KALRN: variants seen among roughly 807,000 people sequenced by gnomAD.
The protein encoded by KALRN is kalirin.
KALRN carries 70 observed loss-of-function variants against 353.7 expected under a neutral mutation model. The observed-to-expected ratio is 0.20, with a 90% CI of 0.16 to 0.24. The LOEUF is 0.24. Ranked by LOEUF, KALRN falls within the 10% of genes least tolerant of loss-of-function variation. The pLI is 1.00. For synonymous variants in KALRN, 1,391 were observed against 1,434.8 expected, an observed-to-expected ratio of 0.97 and a Z score of 0.69; for missense variants, 2,791 against 3,756.7, an observed-to-expected ratio of 0.74 and a Z score of 6.72.
At chr3:124,152,316 G>T (rs1163575985) in intron 1 of KALRN, 2 of 1,210,378 alleles carry the variant, frequency 1.7e-6, no homozygotes, top group African/African-American at 1.5e-5. Context: ...TTGAAGTCTT[G>T]TTAAGCTTCA....
rs1339113935 is a variant in KALRN at position 124,198,123 on chromosome 3, C to T, written c.74-29867C>T. 2.0e-5 allele frequency among the ~76,000 whole-genome samples: 3 copies of T among 152,178 alleles called. 1 individual carries two copies. The highest frequency in any genetic ancestry group is 4.1e-4 in the South Asian group (2 of 4,832). On this transcript the variant is annotated intron_variant, in intron 1 of 59. Transcript: ENST00000682506. The stretch of plus-strand genomic sequence containing the variant: ...TTTCTGATCGAGGAATTAAAAGCTT[C>T]GTGCTAAATGGGGAAAGAAGGGTAG...
At chr3:124,248,071 C>G (rs900535667) in intron 3 of KALRN, among the ~76,000 whole-genome samples, 2 of 152,170 alleles carry the variant, frequency 1.3e-5, no homozygotes, top group Non-Finnish European at 2.9e-5. Context: ...GAGTCCCATC[C>G]CTTCTATGAG....
chr3:124,193,685 T>C (rs1306764397), intron 1 of KALRN, among the ~76,000 whole-genome samples: 1 of 152,118 alleles, frequency 6.6e-6, no homozygotes, highest in Non-Finnish European at 1.5e-5. Context: ...AAAATAGCCA[T>C]CTTTCAGAGT....
intron 1 of KALRN, among the ~76,000 whole-genome samples, chr3:124,191,593 A>G (rs1201364200): frequency 6.6e-6 from 1 of 152,120 alleles, no homozygotes; most frequent in African/African-American, 2.4e-5. Context: ...AATGTCTAAG[A>G]TGGTTTTTTT....
At chr3:124,451,798 C>G (rs2150743910) in intron 21 of KALRN, among the ~76,000 whole-genome samples, 1 of 152,256 alleles carries the variant, frequency 6.6e-6, no homozygotes, top group Non-Finnish European at 1.5e-5. Flanking sequence ...CTCAAGCAGC[C>G]ACGTCATCTG....
chr3:124,494,484 T>C (rs2063506828), intron 32 of KALRN, among the ~76,000 whole-genome samples: 1 of 152,156 alleles, frequency 6.6e-6, no homozygotes, highest in Non-Finnish European at 1.5e-5. Context: ...GCCCAGATAA[T>C]CCAAAACAAC....
chr3:124,197,789 A>G (rs1014513960), intron 1 of KALRN, among the ~76,000 whole-genome samples: 2 of 152,158 alleles, frequency 1.3e-5, no homozygotes, highest in Non-Finnish European at 2.9e-5. Context: ...TTTTCTTGCA[A>G]TGCAGTTCAT....
intron 6 of KALRN, among the ~76,000 whole-genome samples, chr3:124,324,295 G>T (rs2079647401): frequency 6.6e-6 from 1 of 152,188 alleles, no homozygotes; most frequent in Non-Finnish European, 1.5e-5. Context: ...CAGGAGATTT[G>T]AGGGACTTCC....
intron 1 of KALRN, among the ~76,000 whole-genome samples, chr3:124,084,869 A>ATGT (rs1164605884): frequency 6.6e-6 from 1 of 152,182 alleles, no homozygotes; most frequent in Non-Finnish European, 1.5e-5. Flanking sequence ...CTTACCTCAG[A>ATGT]CCAGCAGTGC....
chr3:124,171,730 C>T (rs2071874709), intron 1 of KALRN, among the ~76,000 whole-genome samples: 1 of 152,178 alleles, frequency 6.6e-6, no homozygotes, highest in South Asian at 2.1e-4. Flanking sequence ...TTTTCTGATC[C>T]TCCCTTAAGT....
chr3:124,383,038 C>T (rs891801617), intron 10 of KALRN, among the ~76,000 whole-genome samples: 7 of 152,204 alleles, frequency 4.6e-5, no homozygotes, highest in Non-Finnish European at 1.0e-4. Context: ...GATTTTTCCT[C>T]TTTTTCAACC....
At chr3:124,397,227 G>A (rs540164158) in intron 12 of KALRN, among the ~76,000 whole-genome samples, 14 of 152,206 alleles carry the variant, frequency 9.2e-5, no homozygotes, top group Non-Finnish European at 1.9e-4. Context: ...ATAGCACTGA[G>A]TACATCTCAT....
chr3:124,191,674 G>A (rs528596081), intron 1 of KALRN, among the ~76,000 whole-genome samples: 1 of 152,064 alleles, frequency 6.6e-6, no homozygotes, highest in Non-Finnish European at 1.5e-5. Flanking sequence ...TTCTCTCTCT[G>A]TATAGTCTCC....
intron 13 of KALRN, among the ~76,000 whole-genome samples, chr3:124,405,824 T>G (rs1455642520): frequency 5.9e-5 from 9 of 151,966 alleles, no homozygotes; most frequent in African/African-American, 2.2e-4. Flanking sequence ...TTTTGTATTT[T>G]TAGTAGAGAT....
chr3:124,071,768 G>A (rs548586035), intron 1 of KALRN, among the ~76,000 whole-genome samples: 1 of 152,278 alleles, frequency 6.6e-6, no homozygotes, highest in African/African-American at 2.4e-5. Flanking sequence ...TGGCCATTAA[G>A]TTTCAACATC....
intron 34 of KALRN, among the ~76,000 whole-genome samples, chr3:124,603,632 A>G (rs2077031280): frequency 6.6e-6 from 1 of 152,252 alleles, no homozygotes; most frequent in Admixed American, 6.5e-5. Context: ...AGACCCAGTC[A>G]ATTTTTGAAA....
intron 34 of KALRN, among the ~76,000 whole-genome samples, chr3:124,602,940 G>GTT (rs577959368): frequency 4.8e-4 from 17 of 35,690 alleles, no homozygotes; most frequent in Admixed American, 1.5e-3. Flanking sequence ...AGTTTTCGTG[G>GTT]TTTTTTTTTT....
chr3:124,451,819 G>A (rs2058814433), intron 21 of KALRN, among the ~76,000 whole-genome samples: 1 of 152,168 alleles, frequency 6.6e-6, no homozygotes, highest in Non-Finnish European at 1.5e-5. Context: ...GTCATCATCT[G>A]AGAGTGGAAG....
intron 34 of KALRN, among the ~76,000 whole-genome samples, chr3:124,584,306 G>A (rs2074902905): frequency 6.6e-6 from 1 of 152,204 alleles, no homozygotes; most frequent in East Asian, 1.9e-4. Flanking sequence ...AGGAGGCTGT[G>A]GGGAGGGAAC....
Sources: allele counts gnomAD v4.1 joint callset (sites outside exome capture counted in the v4.1 genomes callset), GRCh38; gene constraint gnomAD v4.1.1; transcripts MANE v1.5; gene names NCBI Gene and HGNC (gene_info 2026-07-23, HGNC 2026-07-21).